The following AFG2A variants were observed in gnomAD, a reference collection of about 807,000 sequenced individuals.
The protein encoded by AFG2A is ATPase family gene 2 protein homolog A.
the AFG2A span, among the ~76,000 whole-genome samples, chr4:122,924,768 C>G: frequency 6.6e-6 from 1 of 152,084 alleles, no homozygotes; most frequent in Non-Finnish European, 1.5e-5. Context: ...CCAAATGCTT[C>G]TCAAGCTCTC....
At chr4:123,114,980 A>G in the AFG2A span, among the ~76,000 whole-genome samples, 1 of 152,162 alleles carries the variant, frequency 6.6e-6, no homozygotes, top group Non-Finnish European at 1.5e-5. Context: ...CGAACTTAGT[A>G]GCAGGTCCTG....
At chr4:123,026,145 C>G in the AFG2A span, among the ~76,000 whole-genome samples, 3 of 150,500 alleles carry the variant, frequency 2.0e-5, no homozygotes, top group African/African-American at 7.3e-5. Context: ...GTATGTGTGT[C>G]TGTCTGTCTG....
chr4:123,063,729 G>A, the AFG2A span, among the ~76,000 whole-genome samples: 8 of 151,326 alleles, frequency 5.3e-5, no homozygotes, highest in African/African-American at 2.0e-4. Context: ...CTGGGTGACA[G>A]AGCGAGACTG....
At chr4:123,093,489 G>A in the AFG2A span, among the ~76,000 whole-genome samples, 2 of 152,170 alleles carry the variant, frequency 1.3e-5, no homozygotes, top group Non-Finnish European at 2.9e-5. Context: ...GCTAGAGATC[G>A]CTTTTGTTGC....
the AFG2A span, among the ~76,000 whole-genome samples, chr4:123,099,434 G>A: frequency 1.3e-5 from 2 of 151,664 alleles, no homozygotes; most frequent in South Asian, 4.1e-4. Context: ...GTCCAGGCCA[G>A]TGTCATGGAA....
chr4:122,937,106 C>T, the AFG2A span, among the ~76,000 whole-genome samples: 1 of 152,120 alleles, frequency 6.6e-6, no homozygotes, highest in Non-Finnish European at 1.5e-5. Flanking sequence ...GCCATGATTT[C>T]ACTGCTGCAC....
the AFG2A span, chr4:123,315,738 A>T: frequency 6.6e-6 from 1 of 152,188 alleles, no homozygotes; most frequent in African/African-American, 2.4e-5. Flanking sequence ...ATACCTGATT[A>T]TCAAAATAAT....
At chr4:123,022,798 A>G in the AFG2A span, among the ~76,000 whole-genome samples, 3 of 152,272 alleles carry the variant, frequency 2.0e-5, no homozygotes, top group South Asian at 2.1e-4. Context: ...ATGTCCAACA[A>G]TGATAGACAG....
At chr4:123,107,027 C>A in the AFG2A span, among the ~76,000 whole-genome samples, 1 of 152,198 alleles carries the variant, frequency 6.6e-6, no homozygotes, top group African/African-American at 2.4e-5. Context: ...CTGCACACAT[C>A]TTCCACTCTG....
chr4:123,010,969 TC>T, the AFG2A span, among the ~76,000 whole-genome samples: 5 of 152,258 alleles, frequency 3.3e-5, no homozygotes, highest in Admixed American at 3.3e-4. Flanking sequence ...TTTTTTCTTT[TC>T]TAAATATTGC....
At chr4:123,046,739 C>T in the AFG2A span, among the ~76,000 whole-genome samples, 1 of 152,060 alleles carries the variant, frequency 6.6e-6, no homozygotes, top group Non-Finnish European at 1.5e-5. Context: ...GGTACTTACT[C>T]CTTCTAACTG....
chr4:123,024,842 A>C, the AFG2A span, among the ~76,000 whole-genome samples: 1 of 152,198 alleles, frequency 6.6e-6, no homozygotes, highest in South Asian at 2.1e-4. Context: ...CTGTCATCAC[A>C]GACTGCAGGT....
At chr4:122,989,453 G>T in the AFG2A span, among the ~76,000 whole-genome samples, 1 of 152,138 alleles carries the variant, frequency 6.6e-6, no homozygotes, top group Non-Finnish European at 1.5e-5. Context: ...GTCCACTGGG[G>T]CTGACCTGGA....
chr4:123,216,807 A>G, the AFG2A span, among the ~76,000 whole-genome samples: 3 of 151,786 alleles, frequency 2.0e-5, no homozygotes, highest in Non-Finnish European at 4.4e-5. Context: ...GGTGCACACC[A>G]CTTTGCCTTG....
the AFG2A span, among the ~76,000 whole-genome samples, chr4:123,127,523 T>C: frequency 6.6e-6 from 1 of 152,186 alleles, no homozygotes; most frequent in Non-Finnish European, 1.5e-5. Flanking sequence ...AGAATTGTAT[T>C]ACTGTTTAGC....
At chr4:123,258,305 A>G in the AFG2A span, among the ~76,000 whole-genome samples, 4 of 152,124 alleles carry the variant, frequency 2.6e-5, no homozygotes, top group Non-Finnish European at 5.9e-5. Flanking sequence ...TGTTTTAGGA[A>G]AATTATTATT....
At chr4:122,933,338 G>T in the AFG2A span, 1 of 895,004 alleles carries the variant, frequency 1.1e-6, no homozygotes, top group Non-Finnish European at 1.7e-6. Context: ...TTATTCTTTT[G>T]ATTAAGTCTA....
the AFG2A span, among the ~76,000 whole-genome samples, chr4:123,076,932 C>A: frequency 6.9e-6 from 1 of 143,902 alleles, no homozygotes. Context: ...TACCCAAGAT[C>A]ATTTTGGGGA....
At chr4:122,979,288 G>A in the AFG2A span, 1 of 1,614,216 alleles carries the variant, frequency 6.2e-7, no homozygotes, top group Non-Finnish European at 8.5e-7. Flanking sequence ...TGATGTCAAG[G>A]TGGCTGGACT....
Sources: gnomAD v4.1 joint callset for allele counts (sites outside exome capture counted in the v4.1 genomes callset) on GRCh38, gnomAD v4.1.1 for gene constraint, MANE v1.5 for transcripts, NCBI Gene and HGNC (gene_info 2026-07-23, HGNC 2026-07-21) for gene names.